SMG6: variants seen among roughly 807,000 people sequenced by gnomAD.
SMG6 encodes the protein telomerase-binding protein EST1A.
A neutral mutation model predicts 142.2 loss-of-function variants in SMG6; 66 were observed. The ratio of observed to expected loss-of-function variants is 0.46; its 90% CI spans 0.38 to 0.57. The LOEUF (loss-of-function observed/expected upper bound fraction) is 0.57. SMG6 is among the 20% of genes least tolerant of loss of function. The pLI, the probability that SMG6 is intolerant of heterozygous loss-of-function variation, is 0.00. For missense variants in SMG6, 1,793 were observed against 1,832.0 expected (o/e 0.98, Z 0.39); for synonymous variants, 779 against 702.4 (o/e 1.11, Z -1.72).
intron 10 of SMG6, among the ~76,000 whole-genome samples, chr17:2,206,531 A>G (rs2072687010): frequency 6.6e-6 from 1 of 152,100 alleles, no homozygotes; most frequent in Non-Finnish European, 1.5e-5. Context: ...GTGAGCTATA[A>G]TCACACCACT....
chr17:2,072,611 G>A (rs115289096), intron 15 of SMG6, among the ~76,000 whole-genome samples: 36 of 152,252 alleles, frequency 2.4e-4, no homozygotes, highest in South Asian at 2.3e-3. Flanking sequence ...GATGCTTACC[G>A]CTGCAAGCTG....
chr17:2,188,284 G>T, intron 11 of SMG6, 115 bp downstream of exon 11: 3 of 808,544 alleles, frequency 3.7e-6, no homozygotes, highest in Non-Finnish European at 6.1e-6. Flanking sequence ...ATGTAGGTAA[G>T]AGGAAGAATG....
chr17:2,062,903 G>C (rs921848045), intron 18 of SMG6: 2 of 152,518 alleles, frequency 1.3e-5, no homozygotes, highest in Non-Finnish European at 2.9e-5. Flanking sequence ...GGCGAGAGAA[G>C]AGGACAGGAG....
At position 2,081,948 on chromosome 17, in the gene SMG6, ATCC is replaced by A. The variant is rs1480107920; in HGVS notation, c.3540_3542del (p.Glu1180del). The A allele has an allele frequency of 6.2e-7, 1 of 1,613,872 alleles. No homozygotes were observed. The highest frequency in any genetic ancestry group is 8.5e-7 in the Non-Finnish European group (1 of 1,179,972). The stretch of plus-strand genomic sequence containing the variant: ...CTTCCTCAAAGTCTTCAATCACCAC[ATCC>A]TCCTCCTTTGGGTGGTGGAGCCGAC... On this transcript the variant is annotated inframe_deletion, in exon 15 of 19. Transcript: ENST00000263073.
In SMG6 at chr17:2,201,612, G is replaced by A. The variant is rs1411593842; in HGVS notation, c.2870-13097C>T. Among the ~76,000 whole-genome samples the A allele has an allele frequency of 2.6e-5, 4 of 151,240 alleles. No homozygotes were observed. The South Asian group carries it at 6.3e-4, about 24-fold the overall frequency. ...GAGAATAGCTTGAACCTGGGAGGTG[G>A]AGGTTGTAGTGAGCCGAGACCACGC... On this transcript the variant is annotated intron_variant, in intron 10 of 18. Transcript: ENST00000263073.
chr17:2,201,353 T>C (rs193245712), intron 10 of SMG6, among the ~76,000 whole-genome samples: 44 of 152,216 alleles, frequency 2.9e-4, no homozygotes, highest in Admixed American at 5.9e-4. Context: ...ATAACAAGCA[T>C]TGGAGAGGAT....
chr17:2,274,798 C>G (rs2038677), intron 8 of SMG6, among the ~76,000 whole-genome samples: 111,828 of 152,040 alleles, frequency 0.74, 41,622 homozygotes, highest in African/African-American at 0.79. Flanking sequence ...AATCATTCCA[C>G]GGCAGGAAGA....
In SMG6 at chr17:2,081,797, A is replaced by G. The variant is rs376344413; in HGVS notation, c.3681+13T>C. On this transcript the variant is annotated intron_variant, in intron 15 of 18. Transcript: ENST00000263073. ...CCCCATAGTGGGAACCACGCTCCCC[A>G]GGCCGACTTCACCTGGATCTTTTCC... 17 of 1,612,306 alleles carry G rather than the reference A, an allele frequency of 1.1e-5. No homozygotes were observed. Among genetic ancestry groups the G allele is most frequent in the Non-Finnish European group, 1.4e-5 (16 of 1,179,986 alleles).
Position 2,236,632 on chromosome 17 carries a change from T to A in SMG6, c.2729A>T (p.Glu910Val). 4 of 1,611,442 alleles carry A rather than the reference T, an allele frequency of 2.5e-6. No homozygotes were observed. Among genetic ancestry groups the A allele is most frequent in the Non-Finnish European group, 3.4e-6 (4 of 1,178,776 alleles). ...HGKLFTRIGM[E>V]TFPAVAEKVL... is the part of the protein sequence containing the mutation. The stretch of plus-strand genomic sequence containing the variant: ...CTTCTCAGCCACTGCAGGGAATGTC[T>A]CCATCCTGCAGATTCAGAAAACCCA... The change falls in exon 10 of 19, where the codon GAG becomes GTG. Residue 910 changes from glutamate (E) to valine (V), a missense_variant. By Grantham distance (121) the Glu-to-Val change is moderately radical (BLOSUM62 -2). Transcript: ENST00000263073.
In SMG6 at chr17:2,188,477, G is replaced by C; in HGVS notation, c.2908C>G (p.Gln970Glu). Residue 970 changes from glutamine (Q) to glutamate (E), a missense_variant, in exon 11 of 19, where the codon CAA becomes GAA. Physicochemically the swap from Gln to Glu is conservative, Grantham distance 29. Around this residue, in one of 3 missense-constraint regions of SMG6, gnomAD observed 1,597 missense variants for 1,584.6 expected, o/e 1.01. Transcript: ENST00000263073. ...SEECRSVIQE[Q>E]AAALGLAMFS... ...ATGGCCAAGCCCAGAGCTGCGGCTT[G>C]TTCCTGGATCACAGAGCGGCACTCC... 6.2e-7 allele frequency: 1 copy of C among 1,614,150 alleles called. No individual in the cohort carries two copies. The highest frequency in any genetic ancestry group is 8.5e-7 in the Non-Finnish European group (1 of 1,180,018).
intron 10 of SMG6, among the ~76,000 whole-genome samples, chr17:2,218,348 G>A (rs1357118925): frequency 6.6e-6 from 1 of 152,114 alleles, no homozygotes; most frequent in East Asian, 1.9e-4. Flanking sequence ...AGGAGATCGA[G>A]ACCATCCTGG....
At chr17:2,192,660 G>A (rs1563966) in intron 10 of SMG6, among the ~76,000 whole-genome samples, 53,938 of 151,960 alleles carry the variant, frequency 0.35, 9,773 homozygotes, top group Middle Eastern at 0.43. Context: ...TTATCTTTCC[G>A]ACATAAGGCT....
At chr17:2,206,042 C>A (rs779177100) in intron 10 of SMG6, among the ~76,000 whole-genome samples, 24 of 152,122 alleles carry the variant, frequency 1.6e-4, no homozygotes, top group African/African-American at 5.8e-4. Context: ...CTCCTGACCT[C>A]AACTGATCCA....
At chr17:2,127,593 A>G in intron 13 of SMG6, 13 of 584,478 alleles carry the variant, frequency 2.2e-5, no homozygotes, top group South Asian at 1.8e-4. Context: ...CTTGCTGGGC[A>G]TGCAATGTCA....
At chr17:2,243,859 A>T (rs1367905724) in intron 9 of SMG6, among the ~76,000 whole-genome samples, 1 of 152,198 alleles carries the variant, frequency 6.6e-6, no homozygotes, top group Non-Finnish European at 1.5e-5. Context: ...GGTCTAGTGG[A>T]AGACTGGTCT....
chr17:2,218,253 T>C (rs1461617232), intron 10 of SMG6, among the ~76,000 whole-genome samples: 1 of 151,400 alleles, frequency 6.6e-6, no homozygotes, highest in Non-Finnish European at 1.5e-5. Flanking sequence ...AGTAAAAAAA[T>C]AAGATAACCA....
intron 14 of SMG6, among the ~76,000 whole-genome samples, chr17:2,083,279 C>T (rs1453991905): frequency 6.6e-6 from 1 of 152,190 alleles, no homozygotes; most frequent in Non-Finnish European, 1.5e-5. Flanking sequence ...GATGGAATCT[C>T]TTGACTGAAA....
chr17:2,095,837 C>T (rs189404910), intron 13 of SMG6, among the ~76,000 whole-genome samples: 26 of 147,944 alleles, frequency 1.8e-4, no homozygotes, highest in African/African-American at 6.2e-4. Flanking sequence ...TGCAAACCCT[C>T]GCCCACCCAC....
At chr17:2,278,269 C>T (rs2074706363) in intron 8 of SMG6, among the ~76,000 whole-genome samples, 1 of 150,478 alleles carries the variant, frequency 6.6e-6, no homozygotes, top group South Asian at 2.1e-4. Flanking sequence ...ATGGTGCAAT[C>T]TTGGCTCACT....
Sources: gnomAD v4.1 joint callset for allele counts (sites outside exome capture counted in the v4.1 genomes callset) on GRCh38, gnomAD v4.1.1 for gene constraint, gnomAD v4.1.1 regional missense constraint, MANE v1.5 for transcripts, NCBI Gene and HGNC (gene_info 2026-07-23, HGNC 2026-07-21) for gene names.